Variants in NAMPT observed in about 807,000 individuals in gnomAD.
NAMPT encodes nicotinamide phosphoribosyltransferase.
A neutral mutation model predicts 58.7 loss-of-function variants in NAMPT; 7 were observed. The ratio of observed to expected loss-of-function variants is 0.12; its 90% CI spans 0.07 to 0.22. The LOEUF is 0.22. Among genes scored for constraint, NAMPT ranks in the 10% least tolerant of loss-of-function variants. The pLI is 1.00. For missense variants in NAMPT, 271 were observed against 567.9 expected (o/e 0.48, Z 5.31); for synonymous variants, 145 against 198.1 (o/e 0.73, Z 2.25).
At chr7:106,269,615 A>T (rs10487818) in intron 4 of NAMPT, among the ~76,000 whole-genome samples, 1,692 of 152,346 alleles carry the variant, frequency 0.011, 16 homozygotes, top group South Asian at 0.04. Context: ...ATGTGATAAA[A>T]GGATCAATTT....
chr7:106,263,063 A>G (rs1331219330), intron 7 of NAMPT: 5 of 299,074 alleles, frequency 1.7e-5, no homozygotes, highest in African/African-American at 6.5e-5. Context: ...CTTATGCTGA[A>G]AAAGAAACAA....
intron 1 of NAMPT, 135 bp from the exon 2 acceptor site, chr7:106,277,314 C>T: frequency 1.4e-6 from 1 of 700,152 alleles, no homozygotes; most frequent in Non-Finnish European, 2.4e-6. Flanking sequence ...CTTTTCCTGG[C>T]TATACCAAAT....
chr7:106,279,333 C>T (rs554313203), intron 1 of NAMPT, among the ~76,000 whole-genome samples: 5 of 152,224 alleles, frequency 3.3e-5, no homozygotes, highest in East Asian at 1.9e-4. Context: ...TAGGCAAACT[C>T]GCAGGTAATT....
intron 10 of NAMPT, 56 bp downstream of exon 10, chr7:106,252,961 A>T: frequency 6.4e-7 from 1 of 1,567,548 alleles, no homozygotes; most frequent in Non-Finnish European, 8.6e-7. Context: ...CTTTCTTATT[A>T]ATTTGGTGAG....
intron 4 of NAMPT, chr7:106,271,897 CTAGGTAGAGTA>C (rs1792541469): frequency 5.9e-6 from 1 of 170,802 alleles, no homozygotes; most frequent in Admixed American, 6.5e-5. Context: ...TGTTCAGAAG[CTAGGTAGAGTA>C]TTATTATCAA....
chr7:106,251,593 C>T (rs1372061604), intron 10 of NAMPT, among the ~76,000 whole-genome samples: 1 of 151,666 alleles, frequency 6.6e-6, no homozygotes, highest in Non-Finnish European at 1.5e-5. Context: ...TGTTCCTGGC[C>T]AACAAACTCA....
At position 106,277,103 on chromosome 7, in the gene NAMPT, T is replaced by C; in HGVS notation, c.134A>G (p.Glu45Gly). The change falls in exon 2 of 11, where the codon GAA (glutamate) becomes GGA (glycine). Residue 45 changes from glutamate to glycine, a missense_variant. Coordinates refer to ENST00000222553, the MANE Select transcript of NAMPT (RefSeq NM_005746.3). ...SYFECREKKT[E>G]NSKLRKVKYE... ...TTTCACCTTCCTTAATTTGGAGTTTTCTGTCTTCTTTTCACGGCATTCAAA... is the reference window on the plus strand; with the variant it reads ...TTTCACCTTCCTTAATTTGGAGTTTCCTGTCTTCTTTTCACGGCATTCAAA... 2 of 1,609,302 alleles carry C rather than the reference T, an allele frequency of 1.2e-6. No homozygotes were observed. Among genetic ancestry groups the C allele is most frequent in the Non-Finnish European group, 1.7e-6 (2 of 1,175,820 alleles).
At position 106,252,996 on chromosome 7, in the gene NAMPT, C is replaced by A. The variant is rs755360295; in HGVS notation, c.1365+21G>T. 6.9e-6 allele frequency: 11 copies of A among 1,601,818 alleles called. No homozygotes were observed. The African/African-American group carries it at 1.1e-4, about 16-fold the overall frequency. On this transcript the variant is annotated intron_variant, in intron 10 of 10. Coordinates refer to ENST00000222553, the MANE Select transcript of NAMPT (RefSeq NM_005746.3). ...GCCAACCTACTATTGCTTAAAAAAA[C>A]CAATCAGCATAGATACATACCTGAC...
chr7:106,282,260 T>C (rs993588903), intron 1 of NAMPT, among the ~76,000 whole-genome samples: 3 of 152,176 alleles, frequency 2.0e-5, no homozygotes, highest in Admixed American at 1.3e-4. Flanking sequence ...AATCACCATA[T>C]ATAAATTTCA....
chr7:106,268,586 T>C lies in NAMPT; in HGVS notation c.621A>G (p.Gly207=). The C allele has an allele frequency of 6.2e-7, 1 of 1,609,694 alleles. No homozygotes were observed. The highest frequency in any genetic ancestry group is 1.3e-5 in the African/African-American group (1 of 74,976). The change falls in exon 6 of 11, where the codon GGA becomes GGG. Residue 207 remains glycine, a synonymous_variant. Coordinates refer to ENST00000222553, the MANE Select transcript of NAMPT (RefSeq NM_005746.3). ...TGAAGTTAACCAAGTGAGCAGATGC[T>C]CCTATGCCAGCAGTCTGGAAAATCA... ...GVSSQETAGI[G]ASAHLVNFKG...
chr7:106,265,352 G>A (rs889092535), intron 6 of NAMPT, among the ~76,000 whole-genome samples: 1 of 151,990 alleles, frequency 6.6e-6, no homozygotes, highest in Non-Finnish European at 1.5e-5. Context: ...CTTTCTCCAT[G>A]ACACCTGAAT....
chr7:106,252,063 G>T (rs915301072), intron 10 of NAMPT, among the ~76,000 whole-genome samples: 1 of 152,122 alleles, frequency 6.6e-6, no homozygotes, highest in Non-Finnish European at 1.5e-5. Flanking sequence ...GGGAATACTA[G>T]TTCCTACTCT....
At position 106,267,873 on chromosome 7, in the gene NAMPT, A is replaced by C. The variant is rs898204731; in HGVS notation, c.743+591T>G. Among the ~76,000 whole-genome samples the C allele has an allele frequency of 6.6e-5, 9 of 137,154 alleles. No homozygotes were observed. In the South Asian group the frequency reaches 1.6e-3, roughly 24 times the overall value. 90.0% of individuals were successfully genotyped at this position (137,154 alleles called of 152,430 possible). A position where few individuals can be genotyped will look rare whatever the true frequency, so the allele number is the denominator to read the frequency against. On this transcript the variant is annotated intron_variant, in intron 6 of 10. Transcript: ENST00000222553. ...AAAAAAAAAAAAAAAAAAAAAAAAA[A>C]AAACAACCTGATTTACTTTTAATAA... is the stretch of plus-strand genomic sequence containing the variant.
rs147187786 is a variant in NAMPT at position 106,249,813 on chromosome 7, A to G, written c.*1270T>C. On this transcript the variant is annotated 3_prime_UTR_variant, in exon 11 of 11. Coordinates refer to ENST00000222553, the MANE Select transcript of NAMPT (RefSeq NM_005746.3). ...AGAACAGATCTACATACATAAAAGA[A>G]TCATTCGAAAGAAACTGGTCTCTAG... 1 of 152,172 alleles carries G rather than the reference A, an allele frequency of 6.6e-6. No individual in the cohort carries two copies. The highest frequency in any genetic ancestry group is 1.9e-4 in the East Asian group (1 of 5,190). The allele number at this position is 152,172 out of a possible 1,614,324, so 9.4% of individuals were successfully genotyped here. A position where few individuals can be genotyped will look rare whatever the true frequency, so the allele number is the denominator to read the frequency against.
chr7:106,285,260 C>T, upstream of NAMPT: 1 of 852,092 alleles, frequency 1.2e-6, no homozygotes, highest in Non-Finnish European at 1.5e-6. Flanking sequence ...CTCCCAGACG[C>T]CAGCTCTGGG....
rs1181479932 is a variant in NAMPT at position 106,273,162 on chromosome 7, G to A, written c.319-504C>T. On this transcript the variant is annotated intron_variant, in intron 3 of 10. Transcript: ENST00000222553. ...CTAGGGAAATCCCTGCAGAAGAACCGAAATAGGTTCCCTCTATTCTGGTCG... is the reference window on the plus strand; with the variant it reads ...CTAGGGAAATCCCTGCAGAAGAACCAAAATAGGTTCCCTCTATTCTGGTCG... 6.6e-5 allele frequency among the ~76,000 whole-genome samples: 10 copies of A among 152,328 alleles called. No homozygotes were observed. In the South Asian group the frequency reaches 1.7e-3, roughly 25 times the overall value.
At chr7:106,269,724 T>TAA in intron 4 of NAMPT, among the ~76,000 whole-genome samples, 1 of 152,188 alleles carries the variant, frequency 6.6e-6, no homozygotes, top group Admixed American at 6.5e-5. Flanking sequence ...TTCTAAATGC[T>TAA]TACTCTTCAT....
chr7:106,269,210 C>G lies in NAMPT; in HGVS notation c.550G>C (p.Asp184His). 2 of 1,613,578 alleles carry G rather than the reference C, an allele frequency of 1.2e-6. No individual in the cohort carries two copies. The highest frequency in any genetic ancestry group is 2.2e-5 in the East Asian group (1 of 44,848). Residue 184 changes from aspartate (D) to histidine (H), a missense_variant, in exon 5 of 11, where the codon GAT becomes CAT. By Grantham distance (81) the Asp-to-His change is moderately conservative. Coordinates refer to ENST00000222553, the MANE Select transcript of NAMPT (RefSeq NM_005746.3). ...KYLLETSGNL[D>H]GLEYKLHDFG... ...TCATGTAACTTGTATTCCAGACCATCTAAGTTACCAGAAGTTTCTAACAAA... is the reference window on the plus strand; with the variant it reads ...TCATGTAACTTGTATTCCAGACCATGTAAGTTACCAGAAGTTTCTAACAAA...
intron 8 of NAMPT, among the ~76,000 whole-genome samples, chr7:106,258,234 G>A (rs1056083652): frequency 9.2e-5 from 14 of 152,114 alleles, no homozygotes; most frequent in African/African-American, 2.7e-4. Context: ...TATTCCGGAC[G>A]CCTCATATTG....
Sources: gnomAD v4.1 joint callset for allele counts (sites outside exome capture counted in the v4.1 genomes callset) on GRCh38, gnomAD v4.1.1 for gene constraint, MANE v1.5 for transcripts, NCBI Gene and HGNC (gene_info 2026-07-23, HGNC 2026-07-21) for gene names.